EVC2: variants seen among roughly 807,000 people sequenced by gnomAD.
The protein encoded by EVC2 is EvC ciliary complex subunit 2.
In EVC2, 148 loss-of-function variants were observed where a neutral mutation model predicts 149.3. The observed-to-expected ratio is 0.99, with a 90% CI of 0.87 to 1.14. The LOEUF is 1.14. EVC2 is among the 50% of genes most tolerant of loss of function. EVC2 has a pLI of 0.00. For missense variants in EVC2, 1,854 were observed against 1,627.3 expected (o/e 1.14, Z -2.40); for synonymous variants, 776 against 649.9 (o/e 1.19, Z -2.95).
the EVC2 span, among the ~76,000 whole-genome samples, chr4:5,531,767 A>G: frequency 6.6e-6 from 1 of 152,070 alleles, no homozygotes; most frequent in African/African-American, 2.4e-5. Flanking sequence ...GGTGAGATGT[A>G]TAATTATTTC....
At chr4:5,703,305 G>C (rs1206457468) in intron 1 of EVC2, among the ~76,000 whole-genome samples, 1 of 152,138 alleles carries the variant, frequency 6.6e-6, no homozygotes, top group Non-Finnish European at 1.5e-5. Context: ...CATCATCTCT[G>C]ATAATGCCAA....
chr4:5,633,445 C>A lies in EVC2; in HGVS notation c.1471-1413G>T, dbSNP rs1381845159. On this transcript the variant is annotated intron_variant, in intron 10 of 21. Coordinates refer to ENST00000344408, the MANE Select transcript of EVC2 (RefSeq NM_147127.5). This position sits in a 1 kb window ranked among gnomAD's most constrained non-coding sequence, Gnocchi z 4.4. ...CCTCCGTTTTATAAGAGAAGAAACA[C>A]AAGCTTAGAGAAGGTAAGAGCTTTC... is the stretch of plus-strand genomic sequence containing the variant. Among the ~76,000 whole-genome samples, 1 of 152,220 alleles carries A rather than the reference C, an allele frequency of 6.6e-6. No homozygotes were observed. The highest frequency in any genetic ancestry group is 1.5e-5 in the Non-Finnish European group (1 of 68,048).
intron 9 of EVC2, among the ~76,000 whole-genome samples, chr4:5,649,242 CTG>C (rs1164905565): frequency 6.6e-6 from 1 of 152,134 alleles, no homozygotes; most frequent in Admixed American, 6.5e-5. Flanking sequence ...CATCTTGTCA[CTG>C]TGCTTCAAAG....
At chr4:5,535,601 AAGAGAG>A in the EVC2 span, among the ~76,000 whole-genome samples, 337 of 118,250 alleles carry the variant, frequency 2.8e-3, 1 homozygote, top group African/African-American at 6.3e-3. The surrounding 1 kb of genome is among the most constrained non-coding windows in gnomAD (Gnocchi z 4.7). Context: ...CATGCTTAGA[AAGAGAG>A]AGAGAGAGAG....
chr4:5,615,376 C>T (rs781138812), intron 16 of EVC2, 46 bp downstream of exon 16: 1 of 1,613,584 alleles, frequency 6.2e-7, no homozygotes, highest in African/African-American at 1.3e-5. Flanking sequence ...CAGAGCAGCC[C>T]CGCCATGTGC....
At position 5,593,779 on chromosome 4, in the gene EVC2, C is replaced by T. The variant is rs7697247; in HGVS notation, c.2830-8929G>A. On this transcript the variant is annotated intron_variant, in intron 16 of 21. Transcript: ENST00000344408. ...AAGCAGGGAGAGGCATTGCCTCACTCGGGAAGCACAAGGGGTCAGGGAGTT... is the reference window on the plus strand; with the variant it reads ...AAGCAGGGAGAGGCATTGCCTCACTTGGGAAGCACAAGGGGTCAGGGAGTT... Among the ~76,000 whole-genome samples, 483 of 152,216 alleles carry T rather than the reference C, an allele frequency of 3.2e-3. 3 individuals are homozygous for T. The highest frequency in any genetic ancestry group is 9.8e-3 in the African/African-American group (406 of 41,534).
At chr4:5,593,903 G>A (rs193114653) in intron 16 of EVC2, among the ~76,000 whole-genome samples, 22 of 152,308 alleles carry the variant, frequency 1.4e-4, no homozygotes, top group Non-Finnish European at 2.4e-4. Flanking sequence ...AAAAAACGAC[G>A]CACCAGGAGA....
At position 5,563,115 on chromosome 4, in the gene EVC2, G is replaced by A. The variant is rs1197028358; in HGVS notation, c.3660C>T (p.Ser1220=). Residue 1220 remains serine, a splice_region_variant and synonymous_variant, in exon 22 of 22, where the codon AGC becomes AGT. Transcript: ENST00000344408. ...KMLWARKRKQ[S]ILKKTCLPLR... is the part of the protein sequence containing the mutation. Reference sequence around the variant, plus strand: ...GAGGGAGACATGTCTTCTTTAATATGCTAAAGAAATAGCAAAAGATCAAAT... The same window carrying A: ...GAGGGAGACATGTCTTCTTTAATATACTAAAGAAATAGCAAAAGATCAAAT... The A allele has an allele frequency of 1.9e-6, 3 of 1,612,132 alleles. No homozygotes were observed. The African/African-American group carries it at 4.0e-5, about 21-fold the overall frequency.
chr4:5,535,635 A>AGAGAG, the EVC2 span, among the ~76,000 whole-genome samples: 2 of 87,870 alleles, frequency 2.3e-5, no homozygotes, highest in African/African-American at 9.9e-5. The surrounding 1 kb of genome is among the most constrained non-coding windows in gnomAD (Gnocchi z 4.7). Flanking sequence ...GAGAGAGAGA[A>AGAGAG]AGAGATAATC....
chr4:5,595,799 T>C (rs1430925081), intron 16 of EVC2, among the ~76,000 whole-genome samples: 1 of 152,176 alleles, frequency 6.6e-6, no homozygotes, highest in Non-Finnish European at 1.5e-5. Context: ...TCAAGACCCA[T>C]CTGTGTGCTG....
At chr4:5,672,739 CT>C (rs1719729914) in intron 7 of EVC2, among the ~76,000 whole-genome samples, 1 of 152,218 alleles carries the variant, frequency 6.6e-6, no homozygotes, top group South Asian at 2.1e-4. Flanking sequence ...CACAGCAGCA[CT>C]GTTTACAATA....
intron 11 of EVC2, among the ~76,000 whole-genome samples, chr4:5,630,903 C>T (rs1716484021): frequency 6.6e-6 from 1 of 152,228 alleles, no homozygotes. Context: ...CCCTTACCAT[C>T]AGCTAGAGCA....
chr4:5,600,008 C>T (rs530659164), intron 16 of EVC2, among the ~76,000 whole-genome samples: 2 of 152,312 alleles, frequency 1.3e-5, no homozygotes, highest in African/African-American at 2.4e-5. Context: ...GATACTTCTA[C>T]CACCCCTATC....
chr4:5,571,231 T>TC (rs1327070923), intron 19 of EVC2, among the ~76,000 whole-genome samples: 1 of 146,290 alleles, frequency 6.8e-6, no homozygotes, highest in East Asian at 2.0e-4. Flanking sequence ...GGCAGGGGAA[T>TC]CGCTTGAACC....
At chr4:5,583,402 A>T (rs1048188109) in intron 17 of EVC2, among the ~76,000 whole-genome samples, 2 of 152,226 alleles carry the variant, frequency 1.3e-5, no homozygotes, top group Non-Finnish European at 2.9e-5. Context: ...TTTCTAATAC[A>T]AGGAATAATT....
At chr4:5,689,722 T>C (rs546952420) in intron 4 of EVC2, among the ~76,000 whole-genome samples, 1 of 152,306 alleles carries the variant, frequency 6.6e-6, no homozygotes, top group South Asian at 2.1e-4. Context: ...AGATTCAGCC[T>C]CAGCCCAGGG....
chr4:5,638,604 C>T (rs1040586448), intron 10 of EVC2, among the ~76,000 whole-genome samples: 2 of 151,892 alleles, frequency 1.3e-5, no homozygotes, highest in Admixed American at 6.6e-5. Flanking sequence ...TGGTGACACT[C>T]CCACCCCCCA....
intron 3 of EVC2, among the ~76,000 whole-genome samples, chr4:5,691,630 G>A (rs1721127063): frequency 6.6e-6 from 1 of 152,204 alleles, no homozygotes; most frequent in South Asian, 2.1e-4. Flanking sequence ...CAGCAAGGGG[G>A]ACGTGGGCAG....
At chr4:5,580,545 G>A (rs563377803) in intron 17 of EVC2, among the ~76,000 whole-genome samples, 8 of 152,184 alleles carry the variant, frequency 5.3e-5, no homozygotes, top group South Asian at 2.1e-4. Context: ...TGGGCACTTA[G>A]GATGAGCAGA....
Sources: allele counts gnomAD v4.1 joint callset (sites outside exome capture counted in the v4.1 genomes callset), GRCh38; gene constraint gnomAD v4.1.1; non-coding constraint Gnocchi (gnomAD v3.1); transcripts MANE v1.5; gene names NCBI Gene and HGNC (gene_info 2026-07-23, HGNC 2026-07-21).